The following KLF16 variants were observed in gnomAD, a reference collection of about 807,000 sequenced individuals.
The protein encoded by KLF16 is Krueppel-like factor 16.
Under a neutral mutation model 6.1 loss-of-function variants are expected in KLF16, and 6 were observed. That is an observed-to-expected ratio of 0.98 (90% confidence interval 0.54 to 1.93). The LOEUF is 1.93. Among genes scored for constraint, KLF16 ranks in the 30% most tolerant of loss-of-function variants. The pLI, the probability that KLF16 is intolerant of heterozygous loss-of-function variation, is 0.01. For synonymous variants in KLF16, 211 were observed against 176.5 expected, an observed-to-expected ratio of 1.20 and a Z score of -1.55; for missense variants, 355 against 363.8, an observed-to-expected ratio of 0.98 and a Z score of 0.20.
chr19:1,871,657 G>C, the KLF16 span, among the ~76,000 whole-genome samples: 1 of 152,184 alleles, frequency 6.6e-6, no homozygotes, highest in African/African-American at 2.4e-5. Context: ...CACCACGCAC[G>C]GTGGGGGGCG....
upstream of KLF16, among the ~76,000 whole-genome samples, chr19:1,868,561 C>T (rs1366896961): frequency 6.7e-6 from 1 of 148,202 alleles, no homozygotes; most frequent in East Asian, 2.0e-4. Context: ...TCACTGCAGC[C>T]TCTGCCTCCC....
the KLF16 span, among the ~76,000 whole-genome samples, chr19:1,871,939 T>C: frequency 6.6e-6 from 1 of 152,000 alleles, no homozygotes; most frequent in Non-Finnish European, 1.5e-5. Flanking sequence ...TCCTTTCCCG[T>C]GCGAATCCCC....
intron 1 of KLF16, 103 bp from the exon 2 acceptor site, chr19:1,854,863 C>A: frequency 7.9e-7 from 1 of 1,259,240 alleles, no homozygotes; most frequent in South Asian, 1.3e-5. Flanking sequence ...TGTCCCGTGC[C>A]GTTTTAGAGG....
At chr19:1,862,170 CCT>C (rs144336093) in intron 1 of KLF16, among the ~76,000 whole-genome samples, 3,334 of 151,968 alleles carry the variant, frequency 0.022, 141 homozygotes, top group African/African-American at 0.076. Context: ...CCCACCGTCC[CCT>C]GTTGCCCAGT....
At chr19:1,863,593 G>A (rs2012121746), upstream of KLF16, 5 of 406,116 alleles carry the variant, frequency 1.2e-5, no homozygotes, top group Admixed American at 6.7e-5. Flanking sequence ...GGAGGCGGAG[G>A]AGGAGGAGGA....
At chr19:1,875,601 A>G in the KLF16 span, 2 of 152,212 alleles carry the variant, frequency 1.3e-5, no homozygotes, top group African/African-American at 4.8e-5. Flanking sequence ...TTCTCTTGCA[A>G]GCAGTTGCTT....
upstream of KLF16, among the ~76,000 whole-genome samples, chr19:1,863,755 G>A (rs2012127829): frequency 7.2e-6 from 1 of 139,210 alleles, no homozygotes; most frequent in Non-Finnish European, 1.6e-5. Flanking sequence ...CCCCCCGCCC[G>A]GCGCGCCCTC....
At position 1,857,410 on chromosome 19, in the gene KLF16, G is replaced by C. The variant is rs891609468; in HGVS notation, c.458-2650C>G. ...AGCGCCCTGAGGATGCGGTGGGTGG[G>C]GACAACGCGGGAGGGCAGTGTGGGC... On this transcript the variant is annotated intron_variant, in intron 1 of 1. Transcript: ENST00000250916. This position sits in a 1 kb window ranked among gnomAD's most constrained non-coding sequence, Gnocchi z 4.7. 6.6e-6 allele frequency among the ~76,000 whole-genome samples: 1 copy of C among 152,228 alleles called. No homozygotes were observed. Among genetic ancestry groups the C allele is most frequent in the Non-Finnish European group, 1.5e-5 (1 of 68,040 alleles).
chr19:1,873,802 G>T, the KLF16 span, among the ~76,000 whole-genome samples: 28 of 152,362 alleles, frequency 1.8e-4, no homozygotes, highest in East Asian at 5.2e-3. Flanking sequence ...GGGAGAGGCC[G>T]AGGGTGGAAG....
chr19:1,872,759 A>C, the KLF16 span, among the ~76,000 whole-genome samples: 2 of 150,722 alleles, frequency 1.3e-5, no homozygotes, highest in South Asian at 4.2e-4. Flanking sequence ...GGTCTCGGCT[A>C]CTTCTCTCGG....
At chr19:1,856,662 C>T (rs1053100353) in intron 1 of KLF16, among the ~76,000 whole-genome samples, 1 of 152,232 alleles carries the variant, frequency 6.6e-6, no homozygotes, top group Non-Finnish European at 1.5e-5. Context: ...CCACTCCCAT[C>T]TCAACCACTG....
chr19:1,869,608 A>G, the KLF16 span, among the ~76,000 whole-genome samples: 1 of 152,148 alleles, frequency 6.6e-6, no homozygotes, highest in Non-Finnish European at 1.5e-5. Context: ...AAAATAAAAA[A>G]TGTTTTATTA....
chr19:1,862,923 G>A (rs1254808530), intron 1 of KLF16, 118 bp downstream of exon 1: 2 of 411,318 alleles, frequency 4.9e-6, no homozygotes, highest in Non-Finnish European at 6.6e-6. Context: ...CCGGCGCGGC[G>A]GCGGCCCGGG....
At chr19:1,868,874 C>G in the KLF16 span, among the ~76,000 whole-genome samples, 1 of 152,190 alleles carries the variant, frequency 6.6e-6, no homozygotes, top group South Asian at 2.1e-4. Flanking sequence ...AACCCCTGAC[C>G]TCAGGTGATC....
rs1378919350 is a variant in KLF16, at chr19:1,852,474, C to A, written c.*1985G>T. The stretch of plus-strand genomic sequence containing the variant: ...AGGCAGGGCGGGGGAGGGGCGCCAC[C>A]CACGGAAAGCACACGCCTCTCGGAG... On this transcript the variant is annotated 3_prime_UTR_variant, in exon 2 of 2. Coordinates refer to ENST00000250916, the MANE Select transcript of KLF16 (RefSeq NM_031918.4). 1 of 152,050 alleles carries A rather than the reference C, an allele frequency of 6.6e-6. No individual in the cohort carries two copies. The highest frequency in any genetic ancestry group is 1.5e-5 in the Non-Finnish European group (1 of 68,006). 9.4% of individuals were successfully genotyped at this position (152,050 alleles called of 1,614,324 possible). A position where few individuals can be genotyped will look rare whatever the true frequency, so the allele number is the denominator to read the frequency against.
At chr19:1,859,183 G>C (rs1318256234) in intron 1 of KLF16, among the ~76,000 whole-genome samples, 1 of 151,384 alleles carries the variant, frequency 6.6e-6, no homozygotes, top group Non-Finnish European at 1.5e-5. Context: ...CAACCCTACA[G>C]GAGCGCATAG....
chr19:1,863,812 C>T (rs1208687748), upstream of KLF16, among the ~76,000 whole-genome samples: 1 of 143,516 alleles, frequency 7.0e-6, no homozygotes, highest in South Asian at 2.1e-4. Flanking sequence ...GGGCTCGGGC[C>T]GGAGGAACCC....
the KLF16 span, among the ~76,000 whole-genome samples, chr19:1,874,243 C>A: frequency 6.6e-6 from 1 of 151,930 alleles, no homozygotes; most frequent in African/African-American, 2.4e-5. Flanking sequence ...AAGAAACGTG[C>A]AAAATAATGC....
chr19:1,864,284 T>TC (rs911030306), upstream of KLF16, among the ~76,000 whole-genome samples: 146 of 151,086 alleles, frequency 9.7e-4, 2 homozygotes, highest in South Asian at 8.4e-3. Context: ...GCGCGACCCT[T>TC]CCCCCCTCTT....
Sources: allele counts gnomAD v4.1 joint callset (sites outside exome capture counted in the v4.1 genomes callset), GRCh38; gene constraint gnomAD v4.1.1; non-coding constraint Gnocchi (gnomAD v3.1); transcripts MANE v1.5; gene names NCBI Gene and HGNC (gene_info 2026-07-23, HGNC 2026-07-21).